The following EIF2AK4 variants were observed in gnomAD, a reference collection of about 807,000 sequenced individuals.
The protein encoded by EIF2AK4 is eukaryotic translation initiation factor 2 alpha kinase 4.
Under a neutral mutation model 211.1 loss-of-function variants are expected in EIF2AK4, and 139 were observed. That is an observed-to-expected ratio of 0.66 (90% confidence interval 0.57 to 0.76). EIF2AK4 has a LOEUF of 0.76. Ranked by LOEUF, EIF2AK4 falls within the 30% of genes least tolerant of loss-of-function variation. The pLI is 0.00. For synonymous variants in EIF2AK4, 710 were observed against 751.3 expected (o/e 0.94, Z 0.90); for missense variants, 1,664 against 2,043.8 (o/e 0.81, Z 3.58).
intron 2 of EIF2AK4, 132 bp from the exon 3 acceptor site, chr15:39,943,251 G>A (rs2034172692): frequency 3.2e-6 from 2 of 620,462 alleles, no homozygotes; most frequent in African/African-American, 3.9e-5. Context: ...GGAGTTGCAG[G>A]GATATGGTTG....
intron 5 of EIF2AK4, among the ~76,000 whole-genome samples, chr15:39,954,222 G>A (rs143462246): frequency 3.9e-5 from 6 of 152,184 alleles, no homozygotes; most frequent in Non-Finnish European, 8.8e-5. Context: ...AGGGAGGGAA[G>A]AGATTGCGTC....
At chr15:39,977,998 T>G in intron 12 of EIF2AK4, 80 bp from the exon 13 acceptor site, 1 of 969,784 alleles carries the variant, frequency 1.0e-6, no homozygotes, top group Non-Finnish European at 1.6e-6. Context: ...CTCTTGTGCT[T>G]TCTAGTATTT....
chr15:40,018,488 C>A (rs2035339634), intron 29 of EIF2AK4, among the ~76,000 whole-genome samples: 1 of 151,798 alleles, frequency 6.6e-6, no homozygotes, highest in South Asian at 2.1e-4. Context: ...TTCTATGACC[C>A]CAGTGACACA....
At chr15:40,001,802 G>A (rs1474230015) in intron 21 of EIF2AK4, among the ~76,000 whole-genome samples, 1 of 152,104 alleles carries the variant, frequency 6.6e-6, no homozygotes, top group South Asian at 2.1e-4. Context: ...CAGATGCCCA[G>A]GTCCCGTAGC....
intron 11 of EIF2AK4, 57 bp from the exon 12 acceptor site, chr15:39,976,357 C>G: frequency 1.3e-6 from 2 of 1,525,424 alleles, no homozygotes; most frequent in South Asian, 2.6e-5. Context: ...GGGTGCGGTG[C>G]AAATGCCTGT....
intron 21 of EIF2AK4, 164 bp from the exon 22 acceptor site, chr15:40,002,549 G>T: frequency 1.6e-6 from 1 of 632,216 alleles, no homozygotes; most frequent in Non-Finnish European, 2.8e-6. Flanking sequence ...TGAAAGATAT[G>T]TGTCCTCTTC....
chr15:39,962,653 A>G (rs1354406121), intron 7 of EIF2AK4, among the ~76,000 whole-genome samples: 1 of 152,166 alleles, frequency 6.6e-6, no homozygotes, highest in East Asian at 1.9e-4. Context: ...GTGGATATCC[A>G]TCCATTTGGC....
At chr15:39,934,426 C>G in intron 1 of EIF2AK4, 87 bp downstream of exon 1, 2 of 1,485,870 alleles carry the variant, frequency 1.3e-6, no homozygotes, top group South Asian at 1.3e-5. Flanking sequence ...CAGATTGGGC[C>G]GCCGCTTTAG....
chr15:39,985,468 A>G (rs2034851789), intron 13 of EIF2AK4, among the ~76,000 whole-genome samples: 1 of 152,222 alleles, frequency 6.6e-6, no homozygotes, highest in Non-Finnish European at 1.5e-5. Flanking sequence ...AAACACCTCT[A>G]CACAAATAAA....
intron 2 of EIF2AK4, among the ~76,000 whole-genome samples, chr15:39,940,914 C>A (rs1271640959): frequency 6.6e-6 from 1 of 152,084 alleles, no homozygotes; most frequent in Non-Finnish European, 1.5e-5. Context: ...GTTTCCACCA[C>A]CCCCTCCTAA....
intron 14 of EIF2AK4, among the ~76,000 whole-genome samples, chr15:39,986,871 C>G (rs935686812): frequency 6.7e-6 from 1 of 149,792 alleles, no homozygotes; most frequent in Non-Finnish European, 1.5e-5. Flanking sequence ...CAAACAACAA[C>G]AACAACAACA....
At chr15:40,009,484 T>C in intron 25 of EIF2AK4, 130 bp from the exon 26 acceptor site, 1 of 601,004 alleles carries the variant, frequency 1.7e-6, no homozygotes, top group Non-Finnish European at 2.9e-6. Context: ...AAAAATAAAC[T>C]AGGAAGCCAT....
intron 14 of EIF2AK4, among the ~76,000 whole-genome samples, chr15:39,986,874 C>CAAAAAA (rs761107641): frequency 2.2e-4 from 33 of 147,146 alleles, no homozygotes; most frequent in African/African-American, 8.4e-4. Flanking sequence ...ACAACAACAA[C>CAAAAAA]AACAACAAAA....
At chr15:39,967,317 T>A (rs1162270442) in intron 8 of EIF2AK4, 27 bp from the exon 9 acceptor site, 1 of 1,426,896 alleles carries the variant, frequency 7.0e-7, no homozygotes, top group Non-Finnish European at 9.3e-7. Flanking sequence ...GGCCCAATAT[T>A]CTTTTTTTTT....
At chr15:40,002,658 A>G in intron 21 of EIF2AK4, 55 bp from the exon 22 acceptor site, 6 of 1,580,358 alleles carry the variant, frequency 3.8e-6, no homozygotes, top group Non-Finnish European at 5.2e-6. Context: ...TTAATATTTT[A>G]AAGGATCCCT....
intron 27 of EIF2AK4, among the ~76,000 whole-genome samples, chr15:40,014,752 T>C (rs565460120): frequency 5.3e-5 from 8 of 152,366 alleles, no homozygotes; most frequent in African/African-American, 1.9e-4. Context: ...GCTTGAATTT[T>C]TCCTCAGAGA....
intron 27 of EIF2AK4, among the ~76,000 whole-genome samples, chr15:40,012,206 A>C (rs12903784): frequency 0.36 from 54,874 of 151,912 alleles, 9,949 homozygotes; most frequent in Middle Eastern, 0.39. Flanking sequence ...AGAAGAGTCC[A>C]TAGACTGCAT....
intron 2 of EIF2AK4, among the ~76,000 whole-genome samples, chr15:39,940,348 G>A (rs761755538): frequency 2.6e-5 from 4 of 152,236 alleles, no homozygotes; most frequent in Non-Finnish European, 4.4e-5. Context: ...CCTGGATGGC[G>A]TTAAGTAGTT....
intron 21 of EIF2AK4, among the ~76,000 whole-genome samples, 178 bp downstream of exon 21, chr15:40,001,402 C>A (rs1411172017): frequency 6.6e-6 from 1 of 152,162 alleles, no homozygotes; most frequent in Non-Finnish European, 1.5e-5. Context: ...CCCATACTTT[C>A]AGTCACCTAC....
Sources: gnomAD v4.1 joint callset for allele counts (sites outside exome capture counted in the v4.1 genomes callset) on GRCh38, gnomAD v4.1.1 for gene constraint, MANE v1.5 for transcripts, NCBI Gene and HGNC (gene_info 2026-07-23, HGNC 2026-07-21) for gene names.